The following VPS8 variants were observed in gnomAD, a reference collection of about 807,000 sequenced individuals.
VPS8 encodes vacuolar protein sorting-associated protein 8 homolog.
In VPS8, 129 loss-of-function variants were observed where a neutral mutation model predicts 216.4. The observed-to-expected ratio is 0.60, with a 90% CI of 0.52 to 0.69. VPS8 has a LOEUF of 0.69. Ranked by LOEUF, VPS8 falls within the 30% of genes least tolerant of loss-of-function variation. The pLI is 0.00. For synonymous variants in VPS8, 571 were observed against 565.4 expected, an observed-to-expected ratio of 1.01 and a Z score of -0.14; for missense variants, 1,531 against 1,683.5, an observed-to-expected ratio of 0.91 and a Z score of 1.59.
At chr3:184,842,722 G>A (rs1722416084) in intron 7 of VPS8, among the ~76,000 whole-genome samples, 1 of 152,086 alleles carries the variant, frequency 6.6e-6, no homozygotes, top group South Asian at 2.1e-4. Flanking sequence ...TTTAAGTACT[G>A]AATGTTTCTC....
chr3:184,925,944 C>T (rs951702783), intron 30 of VPS8, among the ~76,000 whole-genome samples: 3 of 150,612 alleles, frequency 2.0e-5, no homozygotes, highest in Non-Finnish European at 1.5e-5. Context: ...CGGCTAATTT[C>T]TTGTATTTTT....
chr3:185,024,663 A>G (rs1281642132), intron 46 of VPS8, among the ~76,000 whole-genome samples: 5 of 152,216 alleles, frequency 3.3e-5, no homozygotes, highest in South Asian at 4.1e-4. Flanking sequence ...GAGTGGTAGT[A>G]GGTGAAAGAT....
At chr3:184,949,861 T>C (rs922957033) in intron 36 of VPS8, among the ~76,000 whole-genome samples, 15 of 149,938 alleles carry the variant, frequency 1.0e-4, no homozygotes, top group Admixed American at 6.7e-4. Context: ...ATGACAACTA[T>C]AGGGAAAATA....
At chr3:184,942,213 C>T (rs932784069) in intron 36 of VPS8, among the ~76,000 whole-genome samples, 2 of 152,084 alleles carry the variant, frequency 1.3e-5, no homozygotes, top group Non-Finnish European at 2.9e-5. Context: ...CAGTCTTGCT[C>T]CCTTCTTACC....
At chr3:184,822,554 T>G (rs1471693686) in intron 1 of VPS8, among the ~76,000 whole-genome samples, 3 of 152,246 alleles carry the variant, frequency 2.0e-5, no homozygotes, top group African/African-American at 7.2e-5. Flanking sequence ...ATTATTTTCC[T>G]GTATGGTCTT....
intron 46 of VPS8, among the ~76,000 whole-genome samples, chr3:185,034,242 A>C (rs559779436): frequency 6.6e-6 from 1 of 152,346 alleles, no homozygotes; most frequent in South Asian, 2.1e-4. Context: ...GCTGTGTAGT[A>C]GTCCATGTGT....
At chr3:184,863,202 G>A (rs1386843013) in intron 16 of VPS8, 135 bp downstream of exon 16, 5 of 985,366 alleles carry the variant, frequency 5.1e-6, no homozygotes, top group African/African-American at 1.6e-5. Context: ...CAAGCCACTA[G>A]GTTGAAGTGG....
At chr3:184,923,754 G>A (rs1739074934) in intron 29 of VPS8, among the ~76,000 whole-genome samples, 1 of 152,096 alleles carries the variant, frequency 6.6e-6, no homozygotes, top group Non-Finnish European at 1.5e-5. Flanking sequence ...GTGTTTTTCT[G>A]TGTCCATGAT....
intron 16 of VPS8, among the ~76,000 whole-genome samples, chr3:184,864,870 T>G (rs1727041122): frequency 6.6e-6 from 1 of 151,826 alleles, no homozygotes; most frequent in Non-Finnish European, 1.5e-5. Context: ...AGGAGAAAAA[T>G]AAAAACTAAA....
At chr3:185,048,359 C>T (rs988846185) in intron 46 of VPS8, 120 bp from the exon 47 acceptor site, 6 of 933,028 alleles carry the variant, frequency 6.4e-6, no homozygotes, top group African/African-American at 1.7e-5. Flanking sequence ...TAGCTGGTAG[C>T]ATGGATTGTT....
intron 27 of VPS8, 86 bp downstream of exon 27, chr3:184,915,139 TG>T (rs1737309081): frequency 6.8e-7 from 1 of 1,475,004 alleles, no homozygotes. Context: ...GGCTTACACG[TG>T]GGTCAGGAGC....
At chr3:184,842,871 TA>T (rs1722443587) in intron 7 of VPS8, among the ~76,000 whole-genome samples, 1 of 152,076 alleles carries the variant, frequency 6.6e-6, no homozygotes, top group Non-Finnish European at 1.5e-5. Context: ...TACAGAGTCT[TA>T]AAAGTTCAAA....
At chr3:184,963,886 T>C (rs1746957091) in intron 37 of VPS8, among the ~76,000 whole-genome samples, 1 of 152,092 alleles carries the variant, frequency 6.6e-6, no homozygotes, top group Non-Finnish European at 1.5e-5. Context: ...CATGTTTTTT[T>C]CCTTTGTTCT....
chr3:185,014,533 A>T (rs1329823656), intron 45 of VPS8, among the ~76,000 whole-genome samples: 1 of 152,094 alleles, frequency 6.6e-6, no homozygotes, highest in African/African-American at 2.4e-5. Flanking sequence ...TTGCTATCAG[A>T]TCTCTCCACC....
chr3:184,838,368 C>G (rs753686147), intron 5 of VPS8, among the ~76,000 whole-genome samples: 1 of 152,138 alleles, frequency 6.6e-6, no homozygotes, highest in Non-Finnish European at 1.5e-5. Flanking sequence ...TTATGTACTC[C>G]TACCATTTTG....
chr3:184,879,766 C>T (rs1049449655), intron 21 of VPS8, among the ~76,000 whole-genome samples: 9 of 152,106 alleles, frequency 5.9e-5, no homozygotes, highest in Non-Finnish European at 1.2e-4. Context: ...TTTGTGTAGC[C>T]CTTGCCAGTT....
chr3:184,964,247 T>C (rs2109550809), intron 37 of VPS8, among the ~76,000 whole-genome samples: 1 of 152,154 alleles, frequency 6.6e-6, no homozygotes, highest in Middle Eastern at 3.4e-3. Flanking sequence ...TTTTTTAAAA[T>C]AAATAAATGA....
At chr3:184,992,596 A>G (rs1485111464) in intron 42 of VPS8, among the ~76,000 whole-genome samples, 2 of 152,110 alleles carry the variant, frequency 1.3e-5, no homozygotes, top group Non-Finnish European at 2.9e-5. Context: ...TGTTAAACAT[A>G]AACTGCTTAG....
intron 21 of VPS8, among the ~76,000 whole-genome samples, chr3:184,876,334 A>G (rs1560488785): frequency 6.6e-6 from 1 of 152,078 alleles, no homozygotes; most frequent in Non-Finnish European, 1.5e-5. Context: ...AAATCATTTG[A>G]AGATATTTGT....
Sources: allele counts gnomAD v4.1 joint callset (sites outside exome capture counted in the v4.1 genomes callset), GRCh38; gene constraint gnomAD v4.1.1; transcripts MANE v1.5; gene names NCBI Gene and HGNC (gene_info 2026-07-23, HGNC 2026-07-21).